Variants in HOOK1 observed in about 807,000 individuals in gnomAD.
The protein encoded by HOOK1 is hook microtubule tethering protein 1.
A neutral mutation model predicts 112.8 loss-of-function variants in HOOK1; 60 were observed. The observed-to-expected ratio is 0.53, with a 90% CI of 0.43 to 0.66. The LOEUF is 0.66. Among genes scored for constraint, HOOK1 ranks in the 30% least tolerant of loss-of-function variants. The pLI, the probability that HOOK1 is intolerant of heterozygous loss-of-function variation, is 0.00. For synonymous variants in HOOK1, 294 were observed against 283.8 expected, an observed-to-expected ratio of 1.04 and a Z score of -0.36; for missense variants, 770 against 856.0, an observed-to-expected ratio of 0.90 and a Z score of 1.25.
chr1:59,846,989 ATATAAT>A (rs1234310598), intron 9 of HOOK1, 50 bp from the exon 10 acceptor site: 5 of 1,416,206 alleles, frequency 3.5e-6, no homozygotes, highest in Non-Finnish European at 2.9e-6. Context: ...AGTTACAATT[ATATAAT>A]TATAACAAAT....
chr1:59,837,167 A>G (rs1399988537), intron 7 of HOOK1, among the ~76,000 whole-genome samples: 2 of 152,216 alleles, frequency 1.3e-5, no homozygotes, highest in African/African-American at 2.4e-5. Flanking sequence ...ACACTTGTAT[A>G]TTTGGACCAT....
intron 15 of HOOK1, 37 bp from the exon 16 acceptor site, chr1:59,862,747 C>A: frequency 2.4e-6 from 3 of 1,276,018 alleles, no homozygotes; most frequent in South Asian, 1.2e-5. Context: ...CTTTGACTTT[C>A]AATACAAGTA....
chr1:59,849,231 T>C, intron 12 of HOOK1, 48 bp downstream of exon 12: 1 of 1,246,672 alleles, frequency 8.0e-7, no homozygotes, highest in Non-Finnish European at 1.2e-6. Context: ...TTCTTTTAGT[T>C]TTGTAATGCC....
intron 10 of HOOK1, among the ~76,000 whole-genome samples, chr1:59,847,959 CAAAG>C (rs1364769584): frequency 6.6e-6 from 1 of 151,690 alleles, no homozygotes. Context: ...ATGTTGTACA[CAAAG>C]GAAGGTTGGC....
intron 2 of HOOK1, among the ~76,000 whole-genome samples, chr1:59,823,164 C>G (rs1457511125): frequency 1.3e-5 from 2 of 151,966 alleles, no homozygotes; most frequent in South Asian, 2.1e-4. Context: ...ACTAAAAATA[C>G]AAAAAATTAG....
intron 1 of HOOK1, among the ~76,000 whole-genome samples, chr1:59,817,647 G>T (rs1473162566): frequency 6.6e-6 from 1 of 152,116 alleles, no homozygotes; most frequent in South Asian, 2.1e-4. Flanking sequence ...CTGTTTTAAT[G>T]CATCAGGGAT....
chr1:59,817,468 A>G (rs1933219), intron 1 of HOOK1, among the ~76,000 whole-genome samples: 30,923 of 151,460 alleles, frequency 0.2, 3,422 homozygotes, highest in Non-Finnish European at 0.25. Flanking sequence ...GATGATTTCC[A>G]GTGAAGTTTA....
At chr1:59,846,879 AT>A (rs1559053433) in intron 9 of HOOK1, among the ~76,000 whole-genome samples, 165 bp from the exon 10 acceptor site, 1 of 151,592 alleles carries the variant, frequency 6.6e-6, no homozygotes, top group African/African-American at 2.4e-5. Context: ...AACATGGTCC[AT>A]GATATTTCAG....
rs2098396887 is a variant in HOOK1 at position 59,835,423 on chromosome 1, T to C, written c.474+11T>C. 5 of 1,488,378 alleles carry C rather than the reference T, an allele frequency of 3.4e-6. No individual in the cohort carries two copies. Among genetic ancestry groups the C allele is most frequent in the Middle Eastern group, 1.7e-4 (1 of 5,812 alleles). 92.2% of individuals were successfully genotyped at this position (1,488,378 alleles called of 1,614,324 possible). ...ACTGCTATTCAAGAGGTAAGTTATATCATGTTCCTATGAGTATAAAAATCC... is the reference window on the plus strand; with the variant it reads ...ACTGCTATTCAAGAGGTAAGTTATACCATGTTCCTATGAGTATAAAAATCC... On this transcript the variant is annotated intron_variant, in intron 6 of 21. Transcript: ENST00000371208.
At position 59,848,285 on chromosome 1, in the gene HOOK1, T is replaced by A. The variant is rs774550211; in HGVS notation, c.930-30T>A. On this transcript the variant is annotated intron_variant, in intron 10 of 21. Transcript: ENST00000371208. The stretch of plus-strand genomic sequence containing the variant: ...AATTATGAGTATATACTAGTTTTTG[T>A]ACAGTAATGCTTAGTCTTTATGATT... The A allele has an allele frequency of 1.3e-5, 19 of 1,518,174 alleles. No homozygotes were observed. The South Asian group carries it at 2.1e-4, about 17-fold the overall frequency. 94.0% of individuals were successfully genotyped at this position (1,518,174 alleles called of 1,614,324 possible). A position where few individuals can be genotyped will look rare whatever the true frequency, so the allele number is the denominator to read the frequency against.
Position 59,841,825 on chromosome 1 carries a change from G to A in HOOK1, c.621+1434G>A, listed in dbSNP as rs545141703. On this transcript the variant is annotated intron_variant, in intron 8 of 21. Transcript: ENST00000371208. ...TTGTAACAAATAATAAAGGATATAT[G>A]ATCTGGTTTTAGGTGAAAAGTGCAG... is the stretch of plus-strand genomic sequence containing the variant. Among the ~76,000 whole-genome samples the A allele has an allele frequency of 7.9e-4, 120 of 152,218 alleles. 1 individual carries two copies. The highest frequency in any genetic ancestry group is 3.4e-3 in the Middle Eastern group (1 of 294).
At chr1:59,856,740 T>C (rs1299839693) in intron 12 of HOOK1, among the ~76,000 whole-genome samples, 1 of 152,162 alleles carries the variant, frequency 6.6e-6, no homozygotes, top group Non-Finnish European at 1.5e-5. Context: ...GAGATTACCA[T>C]AGGTGCCTTG....
chr1:59,851,784 C>T (rs1367670665), intron 12 of HOOK1, among the ~76,000 whole-genome samples: 1 of 151,592 alleles, frequency 6.6e-6, no homozygotes. Flanking sequence ...ATGATACTAG[C>T]TGTGAGTTCT....
In HOOK1 at chr1:59,828,852, G is replaced by C; in HGVS notation, c.222G>C (p.Lys74Asn). The change falls in exon 3 of 22, where the codon AAG becomes AAC. Residue 74 changes from lysine to asparagine, a missense_variant and splice_region_variant. Around this residue, in one of 3 missense-constraint regions of HOOK1, gnomAD observed 655 missense variants for 725.9 expected, o/e 0.90. Coordinates refer to ENST00000371208, the MANE Select transcript of HOOK1 (RefSeq NM_015888.6). ...ATGTTGGGGACAACTGGAGAATAAA[G>C]GTATGCAGAACAAATGGGAGAAGCA... ...KEDVGDNWRI[K>N]ASNVKKVLQG... is the part of the protein sequence containing the mutation. 6.2e-7 allele frequency: 1 copy of C among 1,611,164 alleles called. No homozygotes were observed. Among genetic ancestry groups the C allele is most frequent in the Non-Finnish European group, 8.5e-7 (1 of 1,178,114 alleles).
At chr1:59,860,121 T>C (rs1440338379) in intron 14 of HOOK1, 67 bp from the exon 15 acceptor site, 1 of 1,311,690 alleles carries the variant, frequency 7.6e-7, no homozygotes, top group African/African-American at 1.5e-5. Context: ...AATTTCCTTT[T>C]TTTAACTAAA....
chr1:59,872,390 T>C (rs1448975080), intron 21 of HOOK1, among the ~76,000 whole-genome samples: 1 of 152,178 alleles, frequency 6.6e-6, no homozygotes, highest in Non-Finnish European at 1.5e-5. Flanking sequence ...TAAATTTGTA[T>C]TTTTAACAAA....
At chr1:59,835,013 A>C (rs1194058668) in intron 5 of HOOK1, among the ~76,000 whole-genome samples, 1 of 152,126 alleles carries the variant, frequency 6.6e-6, no homozygotes, top group Non-Finnish European at 1.5e-5. Context: ...AGCACTATTG[A>C]GCAATTTTGT....
At position 59,833,457 on chromosome 1, in the gene HOOK1, C is replaced by T; in HGVS notation, c.326C>T (p.Thr109Ile). The T allele has an allele frequency of 6.3e-7, 1 of 1,583,586 alleles. No homozygotes were observed. The highest frequency in any genetic ancestry group is 8.6e-7 in the Non-Finnish European group (1 of 1,160,094). ...EALIPDLNQI[T>I]ECSDPVELGR... ...CTTATCCCTGATTTAAACCAAATAACCGAATGTTCAGATCCAGTGGAGCTT... is the reference window on the plus strand; with the variant it reads ...CTTATCCCTGATTTAAACCAAATAATCGAATGTTCAGATCCAGTGGAGCTT... The change falls in exon 5 of 22, where the codon ACC becomes ATC. Residue 109 changes from threonine (T) to isoleucine (I), a missense_variant. Transcript: ENST00000371208.
chr1:59,822,592 G>T (rs913836737), intron 2 of HOOK1, among the ~76,000 whole-genome samples: 1 of 152,062 alleles, frequency 6.6e-6, no homozygotes, highest in Non-Finnish European at 1.5e-5. Context: ...TAAGGGTTAG[G>T]GTTACGGTCT....
Sources: gnomAD v4.1 joint callset for allele counts (sites outside exome capture counted in the v4.1 genomes callset) on GRCh38, gnomAD v4.1.1 for gene constraint, gnomAD v4.1.1 regional missense constraint, MANE v1.5 for transcripts, NCBI Gene and HGNC (gene_info 2026-07-23, HGNC 2026-07-21) for gene names.